AMBRA1: variants seen among roughly 807,000 people sequenced by gnomAD.
The protein encoded by AMBRA1 is autophagy and beclin 1 regulator 1, also known as activating molecule in BECN1-regulated autophagy protein 1.
A neutral mutation model predicts 125.4 loss-of-function variants in AMBRA1; 47 were observed. The ratio of observed to expected loss-of-function variants is 0.37; its 90% confidence interval spans 0.30 to 0.48. The LOEUF (loss-of-function observed/expected upper bound fraction) is 0.48, where lower values mean the gene tolerates loss of function less well. AMBRA1 is among the 20% of genes least tolerant of loss of function. The pLI, the probability that AMBRA1 is intolerant of heterozygous loss-of-function variation, is 0.99. For synonymous variants in AMBRA1, 626 were observed against 655.5 expected (o/e 0.95, Z 0.69); for missense variants, 1,331 against 1,693.4 (o/e 0.79, Z 3.76).
At chr11:46,446,320 G>A (rs544368757) in intron 11 of AMBRA1, among the ~76,000 whole-genome samples, 159 of 152,172 alleles carry the variant, frequency 1.0e-3, no homozygotes, top group Non-Finnish European at 1.4e-3. Flanking sequence ...AACAACAGGA[G>A]GAAAAAGCCT....
At chr11:46,491,863 A>T (rs962528224) in intron 11 of AMBRA1, among the ~76,000 whole-genome samples, 1 of 152,192 alleles carries the variant, frequency 6.6e-6, no homozygotes, top group Admixed American at 6.5e-5. Flanking sequence ...AGGAAATTGA[A>T]GTAAGGAGGT....
At position 46,542,517 on chromosome 11, in the gene AMBRA1, C is replaced by T. The variant is rs937462770; in HGVS notation, c.1500G>A (p.Gln500=). 1.2e-6 allele frequency: 2 copies of T among 1,613,352 alleles called. No homozygotes were observed. The highest frequency in any genetic ancestry group is 1.3e-5 in the African/African-American group (1 of 74,936). ...CCAGAAAGAAGCGTCTCAGGTCACACTGAAGCTCATGGCGAATGCTGCCCG... is the reference window on the plus strand; with the variant it reads ...CCAGAAAGAAGCGTCTCAGGTCACATTGAAGCTCATGGCGAATGCTGCCCG... ...NNSGSIRHEL[Q]CDLRRFFLEY... is the part of the protein sequence containing the mutation. Residue 500 remains glutamine (Q), a synonymous_variant, in exon 7 of 18, where the codon CAG becomes CAA. Coordinates refer to ENST00000683756, the MANE Select transcript of AMBRA1 (RefSeq NM_001387011.1). The surrounding 1 kb of genome is among the most constrained non-coding windows in gnomAD (Gnocchi z 5.9).
At chr11:46,570,551 ACC>A in intron 1 of AMBRA1, among the ~76,000 whole-genome samples, 1 of 152,186 alleles carries the variant, frequency 6.6e-6, no homozygotes, top group South Asian at 2.1e-4. Flanking sequence ...TGCCTTATAT[ACC>A]CCATCTCTAA....
At chr11:46,409,804 G>C (rs1437769682) in intron 16 of AMBRA1, among the ~76,000 whole-genome samples, 1 of 152,252 alleles carries the variant, frequency 6.6e-6, no homozygotes, top group East Asian at 1.9e-4. Context: ...CAACAACCCA[G>C]CGCTTTGTTC....
intron 11 of AMBRA1, among the ~76,000 whole-genome samples, chr11:46,493,363 A>C (rs1170073561): frequency 6.6e-6 from 1 of 152,252 alleles, no homozygotes; most frequent in Non-Finnish European, 1.5e-5. Flanking sequence ...AAATGGTTTA[A>C]ACAAATAATT....
intron 1 of AMBRA1, among the ~76,000 whole-genome samples, chr11:46,585,698 ATATATATATATATAT>A (rs2044366995): frequency 2.1e-5 from 1 of 47,268 alleles, no homozygotes; most frequent in African/African-American, 9.3e-5. Context: ...AAAAAAAAAT[ATATATATATATATAT>A]ATATATATAT....
chr11:46,464,996 A>G (rs1189838735), intron 11 of AMBRA1, among the ~76,000 whole-genome samples: 1 of 152,156 alleles, frequency 6.6e-6, no homozygotes, highest in African/African-American at 2.4e-5. Context: ...GTGAGCTGCG[A>G]TCGCGCCACC....
At chr11:46,480,176 C>T (rs988828010) in intron 11 of AMBRA1, among the ~76,000 whole-genome samples, 4 of 152,176 alleles carry the variant, frequency 2.6e-5, no homozygotes, top group African/African-American at 9.7e-5. Flanking sequence ...TCAGGATAAT[C>T]TTCCCACCTC....
At chr11:46,425,752 T>A (rs1947098139) in intron 14 of AMBRA1, among the ~76,000 whole-genome samples, 1 of 139,590 alleles carries the variant, frequency 7.2e-6, no homozygotes, top group Non-Finnish European at 1.5e-5. Flanking sequence ...GGCAGGAAAA[T>A]CACTTGAACG....
At chr11:46,561,274 G>A (rs553175849) in intron 1 of AMBRA1, among the ~76,000 whole-genome samples, 8 of 152,080 alleles carry the variant, frequency 5.3e-5, no homozygotes, top group African/African-American at 9.6e-5. Context: ...CCAGCTACTC[G>A]GAAGGCTGAG....
At chr11:46,450,811 A>G (rs1176280697) in intron 11 of AMBRA1, among the ~76,000 whole-genome samples, 2 of 152,170 alleles carry the variant, frequency 1.3e-5, no homozygotes, top group East Asian at 3.9e-4. Flanking sequence ...TGGCACATAC[A>G]TTTGCCAAAA....
At position 46,397,602 on chromosome 11, in the gene AMBRA1, G is replaced by A. The variant is rs751458401; in HGVS notation, c.3745C>T (p.Pro1249Ser). 9 of 1,607,856 alleles carry A rather than the reference G, an allele frequency of 5.6e-6. No individual in the cohort carries two copies. The highest frequency in any genetic ancestry group is 7.7e-6 in the Non-Finnish European group (9 of 1,176,252). ...PGREPTQPTLPSSSPVPIPVS... is the reference protein window; with the variant it reads ...PGREPTQPTLSSSSPVPIPVS... ...GGAATGGGGACAGGGGAGGAAGAGG[G>A]CAGGGTTGGCTGGGTTGGCTCCCGC... The change falls in exon 18 of 18, where the codon CCC (proline) becomes TCC (serine). Residue 1249 changes from proline (P) to serine (S), a missense_variant. Physicochemically the swap from Pro to Ser is moderately conservative, Grantham distance 74. Transcript: ENST00000683756.
intron 14 of AMBRA1, among the ~76,000 whole-genome samples, chr11:46,418,385 TA>T (rs1441879786): frequency 6.9e-6 from 1 of 144,874 alleles, no homozygotes; most frequent in African/African-American, 2.5e-5. Context: ...TAAATATATA[TA>T]TTTATTATAT....
At chr11:46,505,234 G>T (rs1950989262) in intron 9 of AMBRA1, among the ~76,000 whole-genome samples, 1 of 152,212 alleles carries the variant, frequency 6.6e-6, no homozygotes, top group East Asian at 1.9e-4. Flanking sequence ...TAAGGCAAAA[G>T]ATTGGGGCAG....
chr11:46,512,902 C>T, intron 7 of AMBRA1, 89 bp from the exon 8 acceptor site: 1 of 1,238,460 alleles, frequency 8.1e-7, no homozygotes, highest in Non-Finnish European at 1.1e-6. Context: ...AGATATATAA[C>T]TTTCCCCTTT....
intron 7 of AMBRA1, among the ~76,000 whole-genome samples, chr11:46,521,140 G>A (rs755502566): frequency 2.0e-5 from 3 of 152,168 alleles, no homozygotes; most frequent in Non-Finnish European, 2.9e-5. Flanking sequence ...CCTCACTGGC[G>A]ACAAGACTCT....
intron 1 of AMBRA1, among the ~76,000 whole-genome samples, chr11:46,554,292 C>T (rs1252584889): frequency 2.6e-5 from 4 of 151,986 alleles, no homozygotes; most frequent in African/African-American, 9.7e-5. Flanking sequence ...TAAAAAAAAC[C>T]GACCTTCCGA....
At chr11:46,485,223 C>A (rs948004545) in intron 11 of AMBRA1, among the ~76,000 whole-genome samples, 1 of 152,222 alleles carries the variant, frequency 6.6e-6, no homozygotes, top group Admixed American at 6.5e-5. Flanking sequence ...CAGGCGTGAG[C>A]CCCTATGCCC....
chr11:46,436,396 G>C (rs1340259824), intron 12 of AMBRA1, among the ~76,000 whole-genome samples: 1 of 152,188 alleles, frequency 6.6e-6, no homozygotes, highest in East Asian at 1.9e-4. Flanking sequence ...TTAGGCTATT[G>C]TGCCAACTCG....
Sources: allele counts gnomAD v4.1 joint callset (sites outside exome capture counted in the v4.1 genomes callset), GRCh38; gene constraint gnomAD v4.1.1; non-coding constraint Gnocchi (gnomAD v3.1); transcripts MANE v1.5; gene names NCBI Gene and HGNC (gene_info 2026-07-23, HGNC 2026-07-21).